Variants in FOXP1 observed in about 807,000 individuals in gnomAD.
FOXP1 encodes the protein forkhead box P1, also known as forkhead box protein P1.
A neutral mutation model predicts 98.2 loss-of-function variants in FOXP1; 15 were observed. That is an observed-to-expected ratio of 0.15 (90% CI 0.10 to 0.24). The LOEUF is 0.24. Ranked by LOEUF, FOXP1 falls within the 10% of genes least tolerant of loss-of-function variation. The pLI is 1.00. For missense variants in FOXP1, 633 were observed against 848.5 expected, an observed-to-expected ratio of 0.75 and a Z score of 3.15; for synonymous variants, 371 against 314.5, an observed-to-expected ratio of 1.18 and a Z score of -1.90.
At chr3:71,059,053 TAGTC>T (rs1005324810) in intron 7 of FOXP1, among the ~76,000 whole-genome samples, 7 of 152,320 alleles carry the variant, frequency 4.6e-5, no homozygotes, top group South Asian at 2.1e-4. Context: ...ATCATCTAGG[TAGTC>T]AGTCATTAGC....
At chr3:71,073,685 T>C (rs75719836) in intron 7 of FOXP1, among the ~76,000 whole-genome samples, 1 of 152,232 alleles carries the variant, frequency 6.6e-6, no homozygotes, top group Non-Finnish European at 1.5e-5. Flanking sequence ...TGTCAACTTC[T>C]AAATTAATGT....
At chr3:71,192,857 C>T (rs1374877465) in intron 6 of FOXP1, among the ~76,000 whole-genome samples, 1 of 152,146 alleles carries the variant, frequency 6.6e-6, no homozygotes, top group East Asian at 1.9e-4. Flanking sequence ...GCCATGCTGC[C>T]CAGGCTAGTC....
chr3:71,329,638 CAGCAATAAACA>C (rs2076176461), intron 4 of FOXP1: 1 of 150,362 alleles, frequency 6.7e-6, no homozygotes, highest in African/African-American at 2.4e-5. Context: ...AGAAAACAGC[CAGCAATAAACA>C]CATTTGCAGG....
intron 5 of FOXP1, chr3:71,289,608 T>C (rs936594533): frequency 5.3e-5 from 8 of 152,222 alleles, no homozygotes; most frequent in African/African-American, 1.9e-4. Context: ...CTGTTCTCAA[T>C]ATTCTATGAC....
At chr3:71,169,171 G>T (rs529775979) in intron 6 of FOXP1, among the ~76,000 whole-genome samples, 1 of 152,262 alleles carries the variant, frequency 6.6e-6, no homozygotes, top group Non-Finnish European at 1.5e-5. Context: ...ATTTCATCGA[G>T]TCAGTTTACA....
At chr3:71,193,178 T>A (rs1485590471) in intron 6 of FOXP1, among the ~76,000 whole-genome samples, 2 of 147,532 alleles carry the variant, frequency 1.4e-5, no homozygotes, top group Non-Finnish European at 3.0e-5. Flanking sequence ...GACGGAGTCT[T>A]GCTCTGTTGC....
At chr3:71,433,258 C>G (rs561696434) in intron 3 of FOXP1, among the ~76,000 whole-genome samples, 16 of 152,270 alleles carry the variant, frequency 1.1e-4, no homozygotes, top group Non-Finnish European at 1.5e-4. Flanking sequence ...GCAAGTCAGC[C>G]TGAACTACCC....
intron 5 of FOXP1, among the ~76,000 whole-genome samples, chr3:71,295,259 A>G (rs993068768): frequency 1.7e-4 from 26 of 152,196 alleles, no homozygotes; most frequent in Admixed American, 8.5e-4. Flanking sequence ...TAAATACTCT[A>G]AAAAGGTAGT....
intron 6 of FOXP1, among the ~76,000 whole-genome samples, chr3:71,134,674 C>T (rs2059733102): frequency 6.6e-6 from 1 of 152,128 alleles, no homozygotes; most frequent in Non-Finnish European, 1.5e-5. Flanking sequence ...CACGAAATAG[C>T]CCATACAGCT....
chr3:71,502,505 A>G (rs1481655899), intron 2 of FOXP1, among the ~76,000 whole-genome samples: 2 of 152,204 alleles, frequency 1.3e-5, no homozygotes, highest in Non-Finnish European at 2.9e-5. Context: ...TAAATTCAAA[A>G]CATATTTTTC....
chr3:71,299,622 G>A (rs960859437), intron 5 of FOXP1, among the ~76,000 whole-genome samples, 198 bp downstream of exon 5: 2 of 152,152 alleles, frequency 1.3e-5, no homozygotes, highest in African/African-American at 2.4e-5. Context: ...ATTTGGGGGG[G>A]AAATGTGAAC....
intron 5 of FOXP1, among the ~76,000 whole-genome samples, chr3:71,223,019 C>T (rs2065520889): frequency 6.6e-6 from 1 of 152,114 alleles, no homozygotes; most frequent in African/African-American, 2.4e-5. Flanking sequence ...ATCACCACTA[C>T]GATCATCCAG....
chr3:70,960,729 AGGAGTGCTTT>A (rs1216980223), intron 20 of FOXP1, among the ~76,000 whole-genome samples: 2 of 152,220 alleles, frequency 1.3e-5, no homozygotes, highest in African/African-American at 4.8e-5. Context: ...AAACAAACAG[AGGAGTGCTTT>A]GGACTGCCCT....
chr3:71,323,693 G>C (rs1008269453), intron 4 of FOXP1, among the ~76,000 whole-genome samples: 1 of 152,208 alleles, frequency 6.6e-6, no homozygotes, highest in African/African-American at 2.4e-5. Flanking sequence ...CCAAGGCCTA[G>C]AGTGGGACAC....
At chr3:71,028,315 G>T (rs2046406128) in intron 11 of FOXP1, among the ~76,000 whole-genome samples, 1 of 152,172 alleles carries the variant, frequency 6.6e-6, no homozygotes, top group Admixed American at 6.5e-5. Context: ...ACACCATAAG[G>T]ATACCAGGTG....
chr3:71,130,802 A>G, intron 6 of FOXP1: 9 of 1,436,176 alleles, frequency 6.3e-6, no homozygotes, highest in Non-Finnish European at 8.2e-6. Context: ...AAGTTGAAAG[A>G]TCAGTTGGAG....
chr3:70,979,179 G>A (rs887914430), intron 14 of FOXP1, among the ~76,000 whole-genome samples: 1 of 149,668 alleles, frequency 6.7e-6, no homozygotes, highest in Admixed American at 6.7e-5. Context: ...CTACCTAGGA[G>A]GCTGAGGTGG....
At chr3:70,978,166 C>G in intron 14 of FOXP1, 137 bp from the exon 15 acceptor site, 1 of 725,734 alleles carries the variant, frequency 1.4e-6, no homozygotes, top group South Asian at 1.5e-5. Flanking sequence ...TACCATGAAC[C>G]GAAACACACG....
chr3:71,010,973 T>C (rs2107696466), intron 12 of FOXP1, among the ~76,000 whole-genome samples: 2 of 152,226 alleles, frequency 1.3e-5, no homozygotes, highest in East Asian at 3.9e-4. Context: ...CCCTTTAGAC[T>C]GAACAGAGAA....
Sources: allele counts gnomAD v4.1 joint callset (sites outside exome capture counted in the v4.1 genomes callset), GRCh38; gene constraint gnomAD v4.1.1; transcripts MANE v1.5; gene names NCBI Gene and HGNC (gene_info 2026-07-23, HGNC 2026-07-21).